The following FAF1 variants were observed in gnomAD, a reference collection of about 807,000 sequenced individuals.
FAF1 encodes the protein FAS-associated factor 1.
Under a neutral mutation model 92.5 loss-of-function variants are expected in FAF1, and 25 were observed. That is an observed-to-expected ratio of 0.27 (90% CI 0.20 to 0.38). The LOEUF is 0.38. FAF1 is among the 10% of genes least tolerant of loss of function. FAF1 has a pLI of 1.00. For synonymous variants in FAF1, 234 were observed against 273.2 expected (o/e 0.86, Z 1.42); for missense variants, 636 against 793.3 (o/e 0.80, Z 2.38).
rs542169378 is a variant in FAF1 at position 50,820,354 on chromosome 1, C to T, written c.115-18677G>A. Among the ~76,000 whole-genome samples, 18 of 152,098 alleles carry T rather than the reference C, an allele frequency of 1.2e-4. No homozygotes were observed. In the East Asian group the frequency reaches 3.1e-3, roughly 26 times the overall value. ...CCCAGGCTTAATGGGGTATAACTGACAAATAAAAGTTGTGTATATTCAAGG... is the reference window on the plus strand; with the variant it reads ...CCCAGGCTTAATGGGGTATAACTGATAAATAAAAGTTGTGTATATTCAAGG... On this transcript the variant is annotated intron_variant, in intron 2 of 18. Coordinates refer to ENST00000396153, the MANE Select transcript of FAF1 (RefSeq NM_007051.3).
At chr1:50,868,733 T>G (rs190166268) in intron 1 of FAF1, among the ~76,000 whole-genome samples, 1 of 152,344 alleles carries the variant, frequency 6.6e-6, no homozygotes, top group Non-Finnish European at 1.5e-5. Flanking sequence ...TTTTTGCTGT[T>G]GATTTGTAAT....
chr1:50,790,629 G>A (rs191067751), intron 3 of FAF1, among the ~76,000 whole-genome samples: 2 of 151,848 alleles, frequency 1.3e-5, no homozygotes, highest in Non-Finnish European at 2.9e-5. Flanking sequence ...AGGTGGTGGG[G>A]AGAGAGAGAA....
chr1:50,583,825 A>C lies in FAF1; in HGVS notation c.968-110T>G, dbSNP rs1651102113. 1 of 576,408 alleles carries C rather than the reference A, an allele frequency of 1.7e-6. No individual in the cohort carries two copies. Among genetic ancestry groups the C allele is most frequent in the South Asian group, 3.1e-5 (1 of 32,042 alleles). The allele number at this position is 576,408 out of a possible 1,614,324, so 35.7% of individuals were successfully genotyped here. ...ATATAAGAAATATATTCAATCAATA[A>C]AGAGGAAATAAAATTAAATTTTAGC... On this transcript the variant is annotated intron_variant, in intron 10 of 18. Transcript: ENST00000396153. The surrounding 1 kb of genome is among the most constrained non-coding windows in gnomAD (Gnocchi z 4.2).
rs184099836 is a variant in FAF1, at chr1:50,449,201, G to C, written c.1870-7678C>G. Among the ~76,000 whole-genome samples the C allele has an allele frequency of 1.2e-3, 179 of 152,082 alleles. 1 individual carries two copies. The highest frequency in any genetic ancestry group is 3.8e-3 in the Admixed American group (58 of 15,286). On this transcript the variant is annotated intron_variant, in intron 18 of 18. Coordinates refer to ENST00000396153, the MANE Select transcript of FAF1 (RefSeq NM_007051.3). The stretch of plus-strand genomic sequence containing the variant: ...ACACTTTCACATATATTATCTAAAC[G>C]TTAAAGCTATCCTAAGATTGGATTC...
At chr1:50,775,179 C>T (rs80326064) in intron 4 of FAF1, among the ~76,000 whole-genome samples, 10,041 of 152,022 alleles carry the variant, frequency 0.066, 412 homozygotes, top group East Asian at 0.095. Flanking sequence ...GTCACATAAA[C>T]TTTAATGAGT....
intron 17 of FAF1, among the ~76,000 whole-genome samples, chr1:50,485,683 A>C (rs570034951): frequency 0.064 from 9,291 of 144,404 alleles, 333 homozygotes; most frequent in Non-Finnish European, 0.072. Flanking sequence ...AAAAAAAAAA[A>C]AAAAAAAAAA....
chr1:50,695,398 G>A (rs922980916), intron 7 of FAF1, among the ~76,000 whole-genome samples: 1 of 151,962 alleles, frequency 6.6e-6, no homozygotes, highest in African/African-American at 2.4e-5. Flanking sequence ...TCATCCAGTG[G>A]TGCCACCTTG....
chr1:50,915,331 T>C (rs1287951359), intron 1 of FAF1, among the ~76,000 whole-genome samples: 2 of 149,780 alleles, frequency 1.3e-5, no homozygotes, highest in Non-Finnish European at 3.0e-5. Context: ...GATCACGCCA[T>C]TGCACTCCAG....
chr1:50,743,385 T>A (rs1009165607), intron 5 of FAF1, among the ~76,000 whole-genome samples: 8 of 152,212 alleles, frequency 5.3e-5, no homozygotes, highest in Non-Finnish European at 7.3e-5. Context: ...TAGAGTACAG[T>A]GGCACGATCT....
chr1:50,853,554 G>T (rs750984894), intron 2 of FAF1, among the ~76,000 whole-genome samples: 9 of 152,074 alleles, frequency 5.9e-5, no homozygotes, highest in Non-Finnish European at 1.2e-4. Flanking sequence ...GCAAACTACA[G>T]CAGAAATTGA....
chr1:50,464,208 T>C (rs1202499613), intron 18 of FAF1, among the ~76,000 whole-genome samples: 8 of 152,216 alleles, frequency 5.3e-5, no homozygotes, highest in Admixed American at 1.3e-4. Context: ...TGTCTCTCTA[T>C]GTTGCCCAGG....
chr1:50,552,143 A>G (rs1649336800), intron 13 of FAF1, among the ~76,000 whole-genome samples: 1 of 152,216 alleles, frequency 6.6e-6, no homozygotes, highest in South Asian at 2.1e-4. Flanking sequence ...AAAAATACAA[A>G]AAAACTAGCC....
intron 15 of FAF1, among the ~76,000 whole-genome samples, chr1:50,506,996 AGGAATGGGAATG>A (rs1296763923): frequency 3.9e-5 from 6 of 152,196 alleles, no homozygotes; most frequent in Non-Finnish European, 8.8e-5. Flanking sequence ...GATAATAGGG[AGGAATGGGAATG>A]GGAATGGGAA....
chr1:50,496,174 T>C (rs1646895942), intron 15 of FAF1, among the ~76,000 whole-genome samples: 1 of 152,202 alleles, frequency 6.6e-6, no homozygotes, highest in African/African-American at 2.4e-5. Context: ...ATAGACTTTT[T>C]TCAAATACTT....
At chr1:50,802,303 G>T (rs999544653) in intron 2 of FAF1, among the ~76,000 whole-genome samples, 4 of 151,978 alleles carry the variant, frequency 2.6e-5, no homozygotes, top group African/African-American at 7.2e-5. Context: ...TTGGTCAGGC[G>T]GGTCTCGAAC....
intron 8 of FAF1, among the ~76,000 whole-genome samples, chr1:50,624,622 A>T (rs1653404731): frequency 6.6e-6 from 1 of 152,234 alleles, no homozygotes; most frequent in South Asian, 2.1e-4. Context: ...GAGGGCTTCA[A>T]CATATGAAAA....
chr1:50,721,317 C>T (rs1453315720), intron 6 of FAF1, among the ~76,000 whole-genome samples: 2 of 152,086 alleles, frequency 1.3e-5, no homozygotes, highest in Non-Finnish European at 2.9e-5. Context: ...CAGGTTCAAG[C>T]AATTCTCCTG....
intron 4 of FAF1, among the ~76,000 whole-genome samples, chr1:50,757,818 T>C (rs756393922): frequency 3.6e-4 from 55 of 152,284 alleles, no homozygotes; most frequent in South Asian, 1.2e-3. Context: ...CTTTTCTTCA[T>C]TGGGGATTTT....
chr1:50,584,658 T>C (rs1035408825), intron 10 of FAF1, 27 bp downstream of exon 10: 3 of 1,604,656 alleles, frequency 1.9e-6, no homozygotes, highest in Non-Finnish European at 8.5e-7. Context: ...ATTCTATTGC[T>C]GGACCCAAAG....
Sources: gnomAD v4.1 joint callset for allele counts (sites outside exome capture counted in the v4.1 genomes callset) on GRCh38, gnomAD v4.1.1 for gene constraint, Gnocchi (gnomAD v3.1) non-coding constraint, MANE v1.5 for transcripts, NCBI Gene and HGNC (gene_info 2026-07-23, HGNC 2026-07-21) for gene names.